Variants in TTL observed in about 807,000 individuals in gnomAD.
The protein encoded by TTL is tubulin tyrosine ligase.
Under a neutral mutation model 41.1 loss-of-function variants are expected in TTL, and 10 were observed. The ratio of observed to expected loss-of-function variants is 0.24; its 90% confidence interval spans 0.15 to 0.41. The LOEUF (loss-of-function observed/expected upper bound fraction) is 0.41, where lower values mean the gene tolerates loss of function less well. Among genes scored for constraint, TTL ranks in the 10% least tolerant of loss-of-function variants. The probability of loss-of-function intolerance (pLI) is 1.00; values close to 1 mark genes in which losing one functional copy is unlikely to be tolerated. For missense variants in TTL, 367 were observed against 460.4 expected (o/e 0.80, Z 1.86); for synonymous variants, 175 against 175.5 (o/e 1.00, Z 0.02).
intron 6 of TTL, 137 bp from the exon 7 acceptor site, chr2:112,528,544 G>A: frequency 1.5e-6 from 1 of 684,298 alleles, no homozygotes; most frequent in Non-Finnish European, 2.6e-6. Flanking sequence ...AGGCTGCAGT[G>A]TATGTACCAT....
At chr2:112,490,916 C>T (rs1211892024) in intron 2 of TTL, among the ~76,000 whole-genome samples, 1 of 152,008 alleles carries the variant, frequency 6.6e-6, no homozygotes. Flanking sequence ...TCCTATCTGT[C>T]ATGATAGAAA....
intron 2 of TTL, among the ~76,000 whole-genome samples, chr2:112,489,342 T>TC (rs955646379): frequency 1.3e-5 from 2 of 152,228 alleles, no homozygotes; most frequent in African/African-American, 4.8e-5. Flanking sequence ...ATTTATGTAC[T>TC]CAAGTTGTAC....
intron 2 of TTL, among the ~76,000 whole-genome samples, chr2:112,490,366 C>T (rs555753976): frequency 4.6e-5 from 7 of 151,806 alleles, no homozygotes; most frequent in African/African-American, 1.4e-4. Flanking sequence ...TGCAGTGAGC[C>T]GAGATTGTGC....
At position 112,482,178 on chromosome 2, in the gene TTL, G is replaced by A; in HGVS notation, c.-167G>A. 1 of 205,454 alleles carries A rather than the reference G, an allele frequency of 4.9e-6. No individual in the cohort carries two copies. Among genetic ancestry groups the A allele is most frequent in the Non-Finnish European group, 8.3e-6 (1 of 120,476 alleles). 12.7% of individuals were successfully genotyped at this position (205,454 alleles called of 1,614,324 possible). ...GGCGCTTTCCTCTCCGGCACCCGGCGGGCGCCCGGGCGCGGCGCCGCCGGC... is the reference window on the plus strand; with the variant it reads ...GGCGCTTTCCTCTCCGGCACCCGGCAGGCGCCCGGGCGCGGCGCCGCCGGC... On this transcript the variant is annotated 5_prime_UTR_variant, in exon 1 of 7. Coordinates refer to ENST00000233336, the MANE Select transcript of TTL (RefSeq NM_153712.5). This position sits in a 1 kb window ranked among gnomAD's most constrained non-coding sequence, Gnocchi z 5.3.
At chr2:112,503,399 G>GTATATA (rs891235981) in intron 5 of TTL, among the ~76,000 whole-genome samples, 28 of 125,466 alleles carry the variant, frequency 2.2e-4, no homozygotes, top group African/African-American at 7.8e-4. Flanking sequence ...GTGTGTGTGT[G>GTATATA]TGTGTATATA....
At chr2:112,521,100 A>C (rs1158652991) in intron 6 of TTL, 1 of 857,314 alleles carries the variant, frequency 1.2e-6, no homozygotes, top group South Asian at 5.3e-5. Context: ...CATCTTAGAC[A>C]TGGGGGGTCT....
At position 112,501,255 on chromosome 2, in the gene TTL, A is replaced by G; in HGVS notation, c.519A>G (p.Ile173Met). ...AGGCTTCAGAGCTTCTCGATTTCAT[A>G]GACAACCAGGGCCAAGTGCACGTGA... is the stretch of plus-strand genomic sequence containing the variant. ...SSEASELLDF[I>M]DNQGQVHVIQ... The change falls in exon 4 of 7, where the codon ATA becomes ATG. Residue 173 changes from isoleucine to methionine, a missense_variant. Ile to Met is a conservative substitution (Grantham distance 10). Transcript: ENST00000233336. 6.2e-7 allele frequency: 1 copy of G among 1,613,828 alleles called. No individual in the cohort carries two copies. Among genetic ancestry groups the G allele is most frequent in the Non-Finnish European group, 8.5e-7 (1 of 1,179,822 alleles).
chr2:112,532,697 T>C lies in TTL; in HGVS notation c.*3902T>C, dbSNP rs1470053882. ...GACAGACTTTCTGTAAAAGGCCAGA[T>C]AATAAATCTGCTAGGCTTTGCAAAC... On this transcript the variant is annotated 3_prime_UTR_variant, in exon 7 of 7. Coordinates refer to ENST00000233336, the MANE Select transcript of TTL (RefSeq NM_153712.5). The C allele has an allele frequency of 5.6e-6, 1 of 177,558 alleles. No individual in the cohort carries two copies. Among genetic ancestry groups the C allele is most frequent in the Admixed American group, 6.3e-5 (1 of 15,790 alleles). 11.0% of individuals were successfully genotyped at this position (177,558 alleles called of 1,614,324 possible). A position where few individuals can be genotyped will look rare whatever the true frequency, so the allele number is the denominator to read the frequency against.
chr2:112,510,448 A>G (rs1346614693), intron 5 of TTL, among the ~76,000 whole-genome samples: 1 of 152,070 alleles, frequency 6.6e-6, no homozygotes, highest in Admixed American at 6.6e-5. Flanking sequence ...TTTTAAGGTG[A>G]AAGTTTAAAT....
At chr2:112,521,557 TCTTTA>T (rs1183574682) in intron 6 of TTL, among the ~76,000 whole-genome samples, 1 of 152,244 alleles carries the variant, frequency 6.6e-6, no homozygotes, top group Non-Finnish European at 1.5e-5. Context: ...CCAAAGTTGT[TCTTTA>T]CTTAGAAGCT....
chr2:112,510,667 C>T lies in TTL; in HGVS notation c.875+7486C>T, dbSNP rs563841707. 2.7e-3 allele frequency among the ~76,000 whole-genome samples: 418 copies of T among 152,194 alleles called. 1 individual carries two copies. The highest frequency in any genetic ancestry group is 4.4e-3 in the Non-Finnish European group (298 of 68,002). ...TGTATTTTTAGGAGACACGGGGTTT[C>T]TCCATGTTGGTCAGGATGGTTGAGA... On this transcript the variant is annotated intron_variant, in intron 5 of 6. Coordinates refer to ENST00000233336, the MANE Select transcript of TTL (RefSeq NM_153712.5).
intron 5 of TTL, among the ~76,000 whole-genome samples, chr2:112,517,156 CAAAAAA>C (rs33990458): frequency 7.6e-4 from 80 of 105,602 alleles, no homozygotes; most frequent in South Asian, 5.8e-4. Context: ...GAGCTTTCAG[CAAAAAA>C]AAAAAAAAAA....
In TTL at chr2:112,531,883, C is replaced by T. The variant is rs1682517060; in HGVS notation, c.*3088C>T. On this transcript the variant is annotated 3_prime_UTR_variant, in exon 7 of 7. Coordinates refer to ENST00000233336, the MANE Select transcript of TTL (RefSeq NM_153712.5). ...CTTTGACAACAAATGTAAACAGACACGAAATTATAAATCTGCTAAATATGT... is the reference window on the plus strand; with the variant it reads ...CTTTGACAACAAATGTAAACAGACATGAAATTATAAATCTGCTAAATATGT... 2 of 221,094 alleles carry T rather than the reference C, an allele frequency of 9.0e-6. No homozygotes were observed. The highest frequency in any genetic ancestry group is 1.8e-4 in the South Asian group (1 of 5,424). 13.7% of individuals were successfully genotyped at this position (221,094 alleles called of 1,614,324 possible).
In TTL at chr2:112,517,243, A is replaced by G. The variant is rs1189938891; in HGVS notation, c.876-3039A>G. On this transcript the variant is annotated intron_variant, in intron 5 of 6. Coordinates refer to ENST00000233336, the MANE Select transcript of TTL (RefSeq NM_153712.5). ...ATGTTGGAATGTAATACTTCTTTCA[A>G]TTTTATTTTATCTTATTTTTTTGAG... 3.3e-5 allele frequency among the ~76,000 whole-genome samples: 5 copies of G among 150,864 alleles called. No individual in the cohort carries two copies. The South Asian group carries it at 6.3e-4, about 19-fold the overall frequency.
intron 3 of TTL, among the ~76,000 whole-genome samples, chr2:112,497,272 C>T (rs1318839451): frequency 1.1e-4 from 16 of 152,056 alleles, no homozygotes; most frequent in Non-Finnish European, 1.9e-4. Flanking sequence ...CACCTCAAGC[C>T]TCCCGAAGTG....
chr2:112,532,197 C>G lies in TTL; in HGVS notation c.*3402C>G, dbSNP rs1682523286. 1 of 226,748 alleles carries G rather than the reference C, an allele frequency of 4.4e-6. No homozygotes were observed. The allele number at this position is 226,748 out of a possible 1,614,324, so 14.0% of individuals were successfully genotyped here. On this transcript the variant is annotated 3_prime_UTR_variant, in exon 7 of 7. Transcript: ENST00000233336. ...AGCAAGGGGAGGTCCAGCCCTCTTG[C>G]AAGTGTGGTGAGAGGCTCTACTAGC... is the stretch of plus-strand genomic sequence containing the variant.
At chr2:112,521,222 G>C in intron 6 of TTL, 1 of 985,404 alleles carries the variant, frequency 1.0e-6, no homozygotes, top group Non-Finnish European at 1.2e-6. Context: ...GGCTCTGCAG[G>C]TCTGGGAGAT....
At chr2:112,486,339 C>G (rs989600989) in intron 2 of TTL, among the ~76,000 whole-genome samples, 14 of 152,318 alleles carry the variant, frequency 9.2e-5, no homozygotes, top group Non-Finnish European at 1.6e-4. Flanking sequence ...CTTGCCTCTC[C>G]TGACTCCAAG....
chr2:112,494,074 G>A, intron 2 of TTL, 69 bp from the exon 3 acceptor site: 1 of 1,227,284 alleles, frequency 8.1e-7, no homozygotes, highest in East Asian at 2.4e-5. Context: ...GGGGAAAGGA[G>A]TGGCCTTTCT....
Sources: gnomAD v4.1 joint callset for allele counts (sites outside exome capture counted in the v4.1 genomes callset) on GRCh38, gnomAD v4.1.1 for gene constraint, Gnocchi (gnomAD v3.1) non-coding constraint, MANE v1.5 for transcripts, NCBI Gene and HGNC (gene_info 2026-07-23, HGNC 2026-07-21) for gene names.